The following BTBD2 variants were observed in gnomAD, a reference collection of about 807,000 sequenced individuals.
The protein encoded by BTBD2 is BTB/POZ domain-containing protein 2.
A neutral mutation model predicts 44.0 loss-of-function variants in BTBD2; 15 were observed. The ratio of observed to expected loss-of-function variants is 0.34; its 90% CI spans 0.23 to 0.53. BTBD2 has a LOEUF of 0.53. BTBD2 is among the 20% of genes least tolerant of loss of function. The pLI is 0.95. For missense variants in BTBD2, 657 were observed against 746.4 expected (o/e 0.88, Z 1.39); for synonymous variants, 443 against 335.9 (o/e 1.32, Z -3.49).
chr19:2,000,596 G>C (rs1370278274), intron 1 of BTBD2, among the ~76,000 whole-genome samples: 2 of 152,124 alleles, frequency 1.3e-5, no homozygotes, highest in Non-Finnish European at 2.9e-5. Flanking sequence ...TGGGCCTTCA[G>C]GATTCGACCC....
intron 5 of BTBD2, 127 bp from the exon 6 acceptor site, chr19:1,987,819 C>T (rs2016114167): frequency 4.0e-6 from 4 of 994,956 alleles, no homozygotes; most frequent in African/African-American, 1.6e-5. Flanking sequence ...CCTGGGCAGC[C>T]CCTCCCCGGG....
At position 1,993,183 on chromosome 19, in the gene BTBD2, A is replaced by G; in HGVS notation, c.528-7T>C. 6.3e-7 allele frequency: 1 copy of G among 1,591,798 alleles called. No individual in the cohort carries two copies. Among genetic ancestry groups the G allele is most frequent in the South Asian group, 1.1e-5 (1 of 89,494 alleles). On this transcript the variant is annotated splice_polypyrimidine_tract_variant and splice_region_variant and intron_variant, in intron 2 of 8. Coordinates refer to ENST00000255608, the MANE Select transcript of BTBD2 (RefSeq NM_017797.4). ...CTCGTCCGAGTAGAGAAACCTGCAG[A>G]AGCAACGCGGGTGGCCGTGAGGTGG...
rs1287024750 is a variant in BTBD2 at position 1,990,138 on chromosome 19, G to T, written c.854C>A (p.Ala285Asp). ...LGIREVRLFN[A>D]VVRWSEAECQ... Reference sequence around the variant, plus strand: ...CTCGGCCTCGGACCAGCGGACAACGGCATTGAACAGCCGCACCTCACGGAT... The same window carrying T: ...CTCGGCCTCGGACCAGCGGACAACGTCATTGAACAGCCGCACCTCACGGAT... Residue 285 changes from alanine to aspartate, a missense_variant, in exon 5 of 9, where the codon GCC becomes GAC. This residue lies in a region of BTBD2 where 449 missense variants were observed against 510.9 expected (regional missense o/e 0.88). Transcript: ENST00000255608. 1.2e-6 allele frequency: 2 copies of T among 1,611,750 alleles called. No individual in the cohort carries two copies. The highest frequency in any genetic ancestry group is 2.2e-5 in the East Asian group (1 of 44,830).
chr19:2,001,761 G>A (rs915326940), intron 1 of BTBD2, among the ~76,000 whole-genome samples: 5 of 152,306 alleles, frequency 3.3e-5, no homozygotes, highest in Admixed American at 6.5e-5. Flanking sequence ...GTTTTGAGAC[G>A]GAGTCTCGCT....
At chr19:1,990,416 C>T (rs2016158826) in intron 4 of BTBD2, 5 of 631,378 alleles carry the variant, frequency 7.9e-6, no homozygotes, top group Non-Finnish European at 1.4e-5. Context: ...TTTTAAGCCA[C>T]AAGGACAGAC....
intron 5 of BTBD2, chr19:1,988,044 T>C: frequency 4.1e-6 from 1 of 244,720 alleles, no homozygotes; most frequent in South Asian, 7.4e-5. Flanking sequence ...CTGCCTGTTC[T>C]CTCAGGGCCA....
chr19:1,992,892 G>T lies in BTBD2; in HGVS notation c.684+128C>A, dbSNP rs796184420. 6.1e-5 allele frequency: 58 copies of T among 947,238 alleles called. 2 individuals carry two copies. In the African/African-American group the frequency reaches 1.0e-3, roughly 16 times the overall value. 58.7% of individuals were successfully genotyped at this position (947,238 alleles called of 1,614,324 possible). ...CGGCCCAAAACACATTTTACTACCA[G>T]GCAGGAGCCTGCTGCCTCCCGGGCC... On this transcript the variant is annotated intron_variant, in intron 3 of 8. Coordinates refer to ENST00000255608, the MANE Select transcript of BTBD2 (RefSeq NM_017797.4).
intron 1 of BTBD2, among the ~76,000 whole-genome samples, chr19:2,009,626 A>C (rs1323668028): frequency 6.6e-6 from 1 of 151,670 alleles, no homozygotes; most frequent in Non-Finnish European, 1.5e-5. Context: ...AGGTGGGTGG[A>C]TCACCTGAGC....
At chr19:2,014,807 G>A (rs1427515983) in intron 1 of BTBD2, among the ~76,000 whole-genome samples, 1 of 151,200 alleles carries the variant, frequency 6.6e-6, no homozygotes, top group Non-Finnish European at 1.5e-5. Flanking sequence ...GAGAGCAGGG[G>A]TCCCAGGGGT....
At chr19:2,012,057 C>T (rs1044816086) in intron 1 of BTBD2, among the ~76,000 whole-genome samples, 2 of 151,556 alleles carry the variant, frequency 1.3e-5, no homozygotes, top group Admixed American at 6.6e-5. Flanking sequence ...TGTTTCACCA[C>T]GTTGGCCAGG....
chr19:1,998,954 C>T (rs2016288753), intron 1 of BTBD2, among the ~76,000 whole-genome samples: 1 of 152,140 alleles, frequency 6.6e-6, no homozygotes, highest in Admixed American at 6.6e-5. Context: ...CAAGTGCCGG[C>T]TCTCAACAGC....
rs34228593 is a variant in BTBD2, at chr19:2,008,589, C to CTTTTTTTTTTT, written c.407+6697_407+6707dup. On this transcript the variant is annotated intron_variant, in intron 1 of 8. Coordinates refer to ENST00000255608, the MANE Select transcript of BTBD2 (RefSeq NM_017797.4). ...TACAGGCGTGAGCCACTGTGCCCAG[C>CTTTTTTTTTTT]TTTTTTTTTTTTTTTTTTTAGGGAC... Among the ~76,000 whole-genome samples the CTTTTTTTTTTT allele has an allele frequency of 3.0e-3, 382 of 126,510 alleles. 17 individuals carry two copies. Among genetic ancestry groups the CTTTTTTTTTTT allele is most frequent in the African/African-American group, 0.011 (353 of 31,992 alleles). The allele number at this position is 126,510 out of a possible 152,430, so 83.0% of individuals were successfully genotyped here.
intron 4 of BTBD2, 78 bp from the exon 5 acceptor site, chr19:1,990,279 G>A: frequency 6.8e-7 from 1 of 1,479,388 alleles, no homozygotes; most frequent in Non-Finnish European, 9.1e-7. Context: ...ACTAACGTGA[G>A]GACCAGCAGT....
chr19:2,000,628 T>A (rs982499580), intron 1 of BTBD2, among the ~76,000 whole-genome samples: 3 of 152,086 alleles, frequency 2.0e-5, no homozygotes, highest in Admixed American at 2.0e-4. Flanking sequence ...TACTGCCTCC[T>A]CTGCCCACCG....
chr19:1,995,978 A>C (rs1568217487), intron 2 of BTBD2, among the ~76,000 whole-genome samples: 2 of 152,004 alleles, frequency 1.3e-5, no homozygotes, highest in African/African-American at 4.8e-5. Context: ...ATTTGAGTTA[A>C]TTTTTATATA....
chr19:2,013,592 A>G (rs1599363288), intron 1 of BTBD2: 2 of 983,450 alleles, frequency 2.0e-6, no homozygotes, highest in Non-Finnish European at 2.4e-6. Flanking sequence ...GCGGAGCTGG[A>G]GGTGGGTGGT....
chr19:1,987,716 G>T, intron 5 of BTBD2, 24 bp from the exon 6 acceptor site: 10 of 1,564,654 alleles, frequency 6.4e-6, no homozygotes, highest in Non-Finnish European at 7.8e-6. Flanking sequence ...AGGGTGTGGG[G>T]GAGGGCCGGG....
At chr19:2,007,594 G>C (rs1599359794) in intron 1 of BTBD2, among the ~76,000 whole-genome samples, 1 of 152,138 alleles carries the variant, frequency 6.6e-6, no homozygotes, top group Non-Finnish European at 1.5e-5. Context: ...CCAGTACTTT[G>C]GGAGGCCGGG....
chr19:1,993,475 C>T (rs906741076), intron 2 of BTBD2, among the ~76,000 whole-genome samples: 2 of 152,158 alleles, frequency 1.3e-5, no homozygotes, highest in Non-Finnish European at 2.9e-5. Context: ...GCCCGGGATG[C>T]CCCAGGAGAG....
Sources: gnomAD v4.1 joint callset for allele counts (sites outside exome capture counted in the v4.1 genomes callset) on GRCh38, gnomAD v4.1.1 for gene constraint, gnomAD v4.1.1 regional missense constraint, MANE v1.5 for transcripts, NCBI Gene and HGNC (gene_info 2026-07-23, HGNC 2026-07-21) for gene names.